The following ADCY2 variants were observed in gnomAD, a reference collection of about 807,000 sequenced individuals.
The protein encoded by ADCY2 is adenylate cyclase type 2.
A neutral mutation model predicts 125.2 loss-of-function variants in ADCY2; 31 were observed. The observed-to-expected ratio is 0.25, with a 90% CI of 0.19 to 0.33. The LOEUF is 0.33. Ranked by LOEUF, ADCY2 falls within the 10% of genes least tolerant of loss-of-function variation. The pLI is 1.00. For missense variants in ADCY2, 904 were observed against 1,418.2 expected (o/e 0.64, Z 5.82); for synonymous variants, 512 against 548.4 (o/e 0.93, Z 0.93).
chr5:7,530,963 A>G (rs1734620316), intron 3 of ADCY2, among the ~76,000 whole-genome samples: 1 of 152,084 alleles, frequency 6.6e-6, no homozygotes, highest in Non-Finnish European at 1.5e-5. Context: ...AGGACCCCAT[A>G]CATGTACAAA....
chr5:7,660,401 A>G (rs1031869090), intron 4 of ADCY2, among the ~76,000 whole-genome samples: 17 of 152,140 alleles, frequency 1.1e-4, no homozygotes, highest in African/African-American at 4.1e-4. Context: ...GTTGACTCTG[A>G]TTTTGCTCCC....
intron 4 of ADCY2, among the ~76,000 whole-genome samples, chr5:7,638,781 G>A (rs1439003645): frequency 6.6e-6 from 1 of 152,124 alleles, no homozygotes; most frequent in East Asian, 1.9e-4. Context: ...CCTGAAACTA[G>A]ACTCTGAAAT....
intron 2 of ADCY2, among the ~76,000 whole-genome samples, chr5:7,467,249 T>A (rs1032916659): frequency 6.6e-6 from 1 of 152,200 alleles, no homozygotes; most frequent in African/African-American, 2.4e-5. Flanking sequence ...AACAGGTTCA[T>A]AACTTACAGA....
At chr5:7,421,093 C>T (rs1316051684) in intron 2 of ADCY2, among the ~76,000 whole-genome samples, 2 of 152,088 alleles carry the variant, frequency 1.3e-5, no homozygotes, top group East Asian at 3.9e-4. Flanking sequence ...ACCAGTCCCA[C>T]CGGAAGGAAC....
chr5:7,692,088 G>A (rs992198069), intron 5 of ADCY2: 1 of 152,144 alleles, frequency 6.6e-6, no homozygotes, highest in Non-Finnish European at 1.5e-5. Context: ...GATTTGGGTG[G>A]GGACACAAAT....
chr5:7,427,237 A>G (rs115301527), intron 2 of ADCY2, among the ~76,000 whole-genome samples: 138 of 152,312 alleles, frequency 9.1e-4, no homozygotes, highest in African/African-American at 3.0e-3. Flanking sequence ...GTTTCTTACA[A>G]GGACACCGGT....
At chr5:7,740,521 CAT>C (rs1742377943) in intron 14 of ADCY2, among the ~76,000 whole-genome samples, 2 of 151,902 alleles carry the variant, frequency 1.3e-5, no homozygotes, top group Admixed American at 6.6e-5. Context: ...ATAAAAAACA[CAT>C]AGAATTTTCA....
chr5:7,480,737 TA>T (rs1742698812), intron 2 of ADCY2, among the ~76,000 whole-genome samples: 1 of 143,076 alleles, frequency 7.0e-6, no homozygotes. Context: ...CCTGCACATG[TA>T]CCCCTGAACT....
intron 4 of ADCY2, among the ~76,000 whole-genome samples, chr5:7,682,877 G>A (rs1011867916): frequency 2.6e-5 from 4 of 152,202 alleles, no homozygotes; most frequent in Non-Finnish European, 4.4e-5. Context: ...CATCTGCCAC[G>A]AAGTAGAATG....
Position 7,709,359 on chromosome 5 carries a change from C to T in ADCY2, c.1550C>T (p.Thr517Ile). The T allele has an allele frequency of 6.2e-7, 1 of 1,608,690 alleles. No individual in the cohort carries two copies. Among genetic ancestry groups the T allele is most frequent in the Admixed American group, 1.7e-5 (1 of 59,082 alleles). ...CACCTACATCACAGGGACAGCATGACCACAGAGAACGGCAAGATCAGCACC... is the reference window on the plus strand; with the variant it reads ...CACCTACATCACAGGGACAGCATGATCACAGAGAACGGCAAGATCAGCACC... Reference protein sequence around the residue: ...FAHLHHRDSMTTENGKISTTD... With the variant: ...FAHLHHRDSMITENGKISTTD... The change falls in exon 10 of 25, where the codon ACC (threonine) becomes ATC (isoleucine). Residue 517 changes from threonine to isoleucine, a missense_variant. Physicochemically the swap from Thr to Ile is moderately conservative, Grantham distance 89 (BLOSUM62 -1). This residue lies in a region of ADCY2 where 144 missense variants were observed against 227.7 expected (regional missense o/e 0.63). Coordinates refer to ENST00000338316, the MANE Select transcript of ADCY2 (RefSeq NM_020546.3). This position sits in a 1 kb window ranked among gnomAD's most constrained non-coding sequence, Gnocchi z 4.4.
At chr5:7,596,510 G>A (rs1187142237) in intron 3 of ADCY2, among the ~76,000 whole-genome samples, 1 of 152,194 alleles carries the variant, frequency 6.6e-6, no homozygotes, top group African/African-American at 2.4e-5. Flanking sequence ...TAAAAATTAA[G>A]AGTGTAATTC....
At chr5:7,589,458 A>AAGAAAG (rs1554022171) in intron 3 of ADCY2, among the ~76,000 whole-genome samples, 2 of 72,932 alleles carry the variant, frequency 2.7e-5, no homozygotes, top group Non-Finnish European at 5.5e-5. Flanking sequence ...GAAGGAAAGA[A>AAGAAAG]AAAGAAAGAA....
At chr5:7,660,899 A>G (rs1263716269) in intron 4 of ADCY2, among the ~76,000 whole-genome samples, 1 of 152,186 alleles carries the variant, frequency 6.6e-6, no homozygotes, top group Non-Finnish European at 1.5e-5. Flanking sequence ...AGAAGCAGGG[A>G]AGGGTAGCTA....
intron 2 of ADCY2, among the ~76,000 whole-genome samples, chr5:7,490,957 A>G (rs1743140942): frequency 6.6e-6 from 1 of 152,214 alleles, no homozygotes; most frequent in Non-Finnish European, 1.5e-5. Flanking sequence ...TTGAGGACAT[A>G]AACTTGAGGG....
At chr5:7,792,938 C>T (rs1387459541) in intron 20 of ADCY2, among the ~76,000 whole-genome samples, 1 of 152,148 alleles carries the variant, frequency 6.6e-6, no homozygotes, top group Non-Finnish European at 1.5e-5. Flanking sequence ...TTCACAGAGG[C>T]GTGCACGGGA....
chr5:7,581,848 G>GA (rs1736448526), intron 3 of ADCY2, among the ~76,000 whole-genome samples: 1 of 150,004 alleles, frequency 6.7e-6, no homozygotes, highest in African/African-American at 2.5e-5. Flanking sequence ...AAAAGAAAAA[G>GA]AAAAGAAAAG....
chr5:7,552,656 G>A (rs751841531), intron 3 of ADCY2, among the ~76,000 whole-genome samples: 2 of 152,266 alleles, frequency 1.3e-5, no homozygotes, highest in South Asian at 2.1e-4. Flanking sequence ...AAGTAAAATG[G>A]TAGAAAGAGC....
chr5:7,445,630 T>G (rs1275079390), intron 2 of ADCY2, among the ~76,000 whole-genome samples: 1 of 152,238 alleles, frequency 6.6e-6, no homozygotes, highest in Non-Finnish European at 1.5e-5. Context: ...TTTATGCATG[T>G]CTACATGAAT....
chr5:7,601,375 T>C (rs1737194889), intron 3 of ADCY2, among the ~76,000 whole-genome samples: 1 of 152,220 alleles, frequency 6.6e-6, no homozygotes, highest in South Asian at 2.1e-4. Flanking sequence ...CACTTGCATA[T>C]ACCTCAGGCC....
Sources: allele counts gnomAD v4.1 joint callset (sites outside exome capture counted in the v4.1 genomes callset), GRCh38; gene constraint gnomAD v4.1.1; regional missense constraint gnomAD v4.1.1; non-coding constraint Gnocchi (gnomAD v3.1); transcripts MANE v1.5; gene names NCBI Gene and HGNC (gene_info 2026-07-23, HGNC 2026-07-21).